RELN: variants seen among roughly 807,000 people sequenced by gnomAD.
The protein encoded by RELN is reelin.
RELN carries 108 observed loss-of-function variants against 427.6 expected under a neutral mutation model. The ratio of observed to expected loss-of-function variants is 0.25; its 90% CI spans 0.22 to 0.30. The LOEUF is 0.30. RELN is among the 10% of genes least tolerant of loss of function. The pLI, the probability that RELN is intolerant of heterozygous loss-of-function variation, is 1.00. For synonymous variants in RELN, 1,524 were observed against 1,513.4 expected (o/e 1.01, Z -0.16); for missense variants, 3,715 against 4,302.8 (o/e 0.86, Z 3.82).
chr7:103,831,524 G>A (rs997717459), intron 3 of RELN, among the ~76,000 whole-genome samples: 2 of 152,072 alleles, frequency 1.3e-5, no homozygotes, highest in Non-Finnish European at 1.5e-5. Flanking sequence ...GACTATACGC[G>A]TCAATTTTGT....
intron 6 of RELN, among the ~76,000 whole-genome samples, chr7:103,735,416 T>C (rs1292163343): frequency 6.6e-6 from 1 of 152,106 alleles, no homozygotes; most frequent in African/African-American, 2.4e-5. Flanking sequence ...ACCCATTCAT[T>C]GGGCACAGAG....
intron 4 of RELN, among the ~76,000 whole-genome samples, chr7:103,773,100 TTTTC>T (rs550940718): frequency 0.11 from 14,632 of 128,338 alleles, 810 homozygotes; most frequent in Middle Eastern, 0.14. Flanking sequence ...GGTTCTCCTC[TTTTC>T]TTTCTTTCTT....
intron 5 of RELN, among the ~76,000 whole-genome samples, chr7:103,752,443 T>C (rs1791026741): frequency 6.6e-6 from 1 of 152,176 alleles, no homozygotes; most frequent in Non-Finnish European, 1.5e-5. Flanking sequence ...AGGATCTTGC[T>C]CTGCTGCCCA....
chr7:103,639,248 T>C (rs1408140252), intron 17 of RELN, among the ~76,000 whole-genome samples: 4 of 152,188 alleles, frequency 2.6e-5, no homozygotes, highest in African/African-American at 9.7e-5. Context: ...TTTTCAATTC[T>C]TCACATACTT....
At chr7:103,986,963 T>C (rs1387112780) in intron 1 of RELN, among the ~76,000 whole-genome samples, 1 of 142,310 alleles carries the variant, frequency 7.0e-6, no homozygotes, top group Non-Finnish European at 1.5e-5. Context: ...TGTGTGTGTG[T>C]GTGTGTGTGT....
At chr7:103,721,248 ATCTCTC>A (rs4006770) in intron 8 of RELN, among the ~76,000 whole-genome samples, 8 of 145,328 alleles carry the variant, frequency 5.5e-5, no homozygotes, top group African/African-American at 1.0e-4. Context: ...TCTCCTTGCC[ATCTCTC>A]TCTCTCTCTC....
chr7:103,730,465 T>C (rs913698291), intron 6 of RELN, among the ~76,000 whole-genome samples: 3 of 151,738 alleles, frequency 2.0e-5, no homozygotes, highest in African/African-American at 4.8e-5. Context: ...ATCACTTCTA[T>C]GTGGCAGAAT....
chr7:103,815,503 A>G (rs572072698), intron 3 of RELN, among the ~76,000 whole-genome samples: 2 of 152,294 alleles, frequency 1.3e-5, no homozygotes, highest in African/African-American at 2.4e-5. Flanking sequence ...ATTTCCTGCA[A>G]TTTTATTAAT....
chr7:103,740,394 G>A (rs894984465), intron 6 of RELN, among the ~76,000 whole-genome samples: 2 of 152,160 alleles, frequency 1.3e-5, no homozygotes, highest in South Asian at 4.1e-4. Context: ...ATGTGGGAAG[G>A]AGGCTTACTT....
At chr7:103,876,056 G>A (rs780558051) in intron 2 of RELN, among the ~76,000 whole-genome samples, 31 of 152,094 alleles carry the variant, frequency 2.0e-4, no homozygotes, top group Non-Finnish European at 3.1e-4. Flanking sequence ...TGTTCTTGTT[G>A]CAGGGTGGAA....
intron 2 of RELN, among the ~76,000 whole-genome samples, chr7:103,913,790 A>G (rs1302708747): frequency 2.0e-5 from 3 of 152,330 alleles, no homozygotes; most frequent in African/African-American, 7.2e-5. Flanking sequence ...GTTATATAAT[A>G]TCCAGGCATA....
intron 2 of RELN, among the ~76,000 whole-genome samples, chr7:103,883,875 G>T (rs1794665086): frequency 6.6e-6 from 1 of 152,042 alleles, no homozygotes; most frequent in Admixed American, 6.6e-5. Context: ...ATTTATAGAT[G>T]CAACACTATT....
intron 1 of RELN, among the ~76,000 whole-genome samples, chr7:103,971,350 A>T (rs1177138413): frequency 1.3e-5 from 2 of 152,146 alleles, no homozygotes; most frequent in Non-Finnish European, 2.9e-5. Flanking sequence ...CCTGTCATAT[A>T]TATTACAAGG....
chr7:103,954,681 A>G (rs1796398966), intron 1 of RELN, among the ~76,000 whole-genome samples: 2 of 152,224 alleles, frequency 1.3e-5, no homozygotes, highest in African/African-American at 4.8e-5. Context: ...TATATTTAGC[A>G]TAAAATTAAT....
intron 21 of RELN, 58 bp downstream of exon 21, chr7:103,611,552 GC>G: frequency 1.9e-6 from 2 of 1,048,462 alleles, no homozygotes; most frequent in Non-Finnish European, 1.3e-6. Flanking sequence ...TTTTTTTTTG[GC>G]TTCCTAGGTA....
chr7:103,951,736 G>A (rs191532190), intron 1 of RELN, among the ~76,000 whole-genome samples: 19 of 151,180 alleles, frequency 1.3e-4, no homozygotes, highest in African/African-American at 4.6e-4. Flanking sequence ...GCAGTGGCAC[G>A]ATCTCAGCTC....
At chr7:103,858,791 A>G (rs1367441760) in intron 2 of RELN, among the ~76,000 whole-genome samples, 1 of 152,180 alleles carries the variant, frequency 6.6e-6, no homozygotes, top group Non-Finnish European at 1.5e-5. Flanking sequence ...ATTTTTCATT[A>G]TAGCAAATGT....
chr7:103,927,185 T>C (rs542616283), intron 1 of RELN, among the ~76,000 whole-genome samples: 1 of 152,314 alleles, frequency 6.6e-6, no homozygotes, highest in African/African-American at 2.4e-5. Flanking sequence ...TGAGACTATG[T>C]GTGTATTGTT....
chr7:103,650,152 A>G, intron 16 of RELN, 122 bp downstream of exon 16: 1 of 741,456 alleles, frequency 1.3e-6, no homozygotes. Flanking sequence ...AAATGGAAGA[A>G]AGGGTGTTTA....
Sources: gnomAD v4.1 joint callset for allele counts (sites outside exome capture counted in the v4.1 genomes callset) on GRCh38, gnomAD v4.1.1 for gene constraint, MANE v1.5 for transcripts, NCBI Gene and HGNC (gene_info 2026-07-23, HGNC 2026-07-21) for gene names.